Variants in RIN2 observed in about 807,000 individuals in gnomAD.
RIN2 encodes RAB5 interacting protein 2.
Under a neutral mutation model 78.0 loss-of-function variants are expected in RIN2, and 36 were observed. The ratio of observed to expected loss-of-function variants is 0.46; its 90% CI spans 0.35 to 0.61. RIN2 has a LOEUF of 0.61. Ranked by LOEUF, RIN2 falls within the 20% of genes least tolerant of loss-of-function variation. The pLI, the probability that RIN2 is intolerant of heterozygous loss-of-function variation, is 0.00. For missense variants in RIN2, 1,087 were observed against 1,159.7 expected (o/e 0.94, Z 0.91); for synonymous variants, 466 against 466.8 (o/e 1.00, Z 0.02).
At chr20:19,820,624 G>T (rs1236119121) in intron 2 of RIN2, among the ~76,000 whole-genome samples, 1 of 152,134 alleles carries the variant, frequency 6.6e-6, no homozygotes, top group African/African-American at 2.4e-5. Flanking sequence ...CCCAGCCTCA[G>T]GTGTGTTTCC....
chr20:19,890,311 C>T (rs982120272), intron 3 of RIN2, among the ~76,000 whole-genome samples: 6 of 152,158 alleles, frequency 3.9e-5, no homozygotes, highest in African/African-American at 1.4e-4. Flanking sequence ...TTAATGAAGA[C>T]TTGGTGGTCG....
chr20:19,974,790 G>T lies in RIN2; in HGVS notation c.765G>T (p.Arg255Ser). The change falls in exon 9 of 13, where the codon AGG (arginine) becomes AGT (serine). Residue 255 changes from arginine (R) to serine (S), a missense_variant. Arg to Ser is a moderately radical substitution (Grantham distance 110, BLOSUM62 -1). Transcript: ENST00000255006. ...LINGVHSIKT[R>S]TPSELECSQT... ...ATGGAGTGCATTCTATCAAAACCAG[G>T]ACGCCTTCAGAGCTGGAGTGCAGCC... The T allele has an allele frequency of 1.9e-6, 3 of 1,614,012 alleles. No individual in the cohort carries two copies. Among genetic ancestry groups the T allele is most frequent in the Non-Finnish European group, 2.5e-6 (3 of 1,179,900 alleles).
chr20:19,974,153 C>A (rs1410719163), intron 8 of RIN2, among the ~76,000 whole-genome samples: 1 of 152,126 alleles, frequency 6.6e-6, no homozygotes, highest in Non-Finnish European at 1.5e-5. Context: ...TGTGTAACAT[C>A]CCCCAGGCCC....
chr20:19,795,747 A>G (rs16981125), intron 1 of RIN2, among the ~76,000 whole-genome samples: 19,218 of 152,152 alleles, frequency 0.13, 1,491 homozygotes, highest in African/African-American at 0.23. Flanking sequence ...GCTAAAACTC[A>G]GTCAACAAAT....
intron 9 of RIN2, among the ~76,000 whole-genome samples, chr20:19,985,963 G>C (rs2042608776): frequency 6.6e-6 from 1 of 152,186 alleles, no homozygotes; most frequent in Non-Finnish European, 1.5e-5. Flanking sequence ...TCCCTGGATG[G>C]AGTTTGTCTG....
chr20:19,965,750 T>G (rs900923105), intron 7 of RIN2, among the ~76,000 whole-genome samples: 1 of 152,158 alleles, frequency 6.6e-6, no homozygotes, highest in Non-Finnish European at 1.5e-5. Context: ...TAGCTGAGAT[T>G]ACAGGCGCCT....
At chr20:19,822,719 A>G (rs2035963833) in intron 2 of RIN2, among the ~76,000 whole-genome samples, 1 of 152,212 alleles carries the variant, frequency 6.6e-6, no homozygotes, top group Non-Finnish European at 1.5e-5. Flanking sequence ...ATCTATTTGG[A>G]TGAACATAGT....
At chr20:19,895,615 A>G (rs1031074848) in intron 3 of RIN2, 1 of 152,246 alleles carries the variant, frequency 6.6e-6, no homozygotes, top group Non-Finnish European at 1.5e-5. Flanking sequence ...ACCTAGGTTC[A>G]CGAACCAACC....
In RIN2 at chr20:19,992,151, T is replaced by G; in HGVS notation, c.2069-17T>G. 1 of 1,608,718 alleles carries G rather than the reference T, an allele frequency of 6.2e-7. No individual in the cohort carries two copies. The highest frequency in any genetic ancestry group is 1.1e-5 in the South Asian group (1 of 89,412). ...AGTTGGTAAAAATATTCCATCTCCTTCTCTTCCTGCTCTCAGGGAGGATGT... is the reference window on the plus strand; with the variant it reads ...AGTTGGTAAAAATATTCCATCTCCTGCTCTTCCTGCTCTCAGGGAGGATGT... On this transcript the variant is annotated splice_polypyrimidine_tract_variant and intron_variant, in intron 10 of 12. Coordinates refer to ENST00000255006, the MANE Select transcript of RIN2 (RefSeq NM_018993.4).
At chr20:19,914,646 G>C (rs2039612240) in intron 3 of RIN2, among the ~76,000 whole-genome samples, 1 of 152,164 alleles carries the variant, frequency 6.6e-6, no homozygotes, top group Non-Finnish European at 1.5e-5. Context: ...TGGTCTTGTG[G>C]TTGGGGCTCT....
intron 2 of RIN2, among the ~76,000 whole-genome samples, chr20:19,800,358 C>T (rs749929439): frequency 2.0e-5 from 3 of 152,196 alleles, no homozygotes; most frequent in African/African-American, 4.8e-5. Context: ...ATGGCTCCTC[C>T]AAAACCTTGC....
At chr20:19,897,874 G>A (rs1395807394) in intron 3 of RIN2, among the ~76,000 whole-genome samples, 2 of 152,088 alleles carry the variant, frequency 1.3e-5, no homozygotes, top group African/African-American at 4.8e-5. Context: ...ACCATGCCTG[G>A]CAACTTTTAT....
At chr20:19,929,129 G>T (rs1399727956) in intron 3 of RIN2, among the ~76,000 whole-genome samples, 1 of 152,142 alleles carries the variant, frequency 6.6e-6, no homozygotes, top group Non-Finnish European at 1.5e-5. Context: ...AATCACAGGT[G>T]GCTCTGCCAC....
In RIN2 at chr20:19,928,320, G is replaced by A. The variant is rs556679637; in HGVS notation, c.58-6779G>A. ...GGCACCCAAATGGGTCGCCCAAGGC[G>A]ACCCAGCCAACCGGGGCCCGAGACA... On this transcript the variant is annotated intron_variant, in intron 3 of 12. Transcript: ENST00000255006. 4.6e-5 allele frequency among the ~76,000 whole-genome samples: 7 copies of A among 152,246 alleles called. No homozygotes were observed. The South Asian group carries it at 6.2e-4, about 14-fold the overall frequency.
intron 1 of RIN2, among the ~76,000 whole-genome samples, chr20:19,759,278 C>G (rs1005391410): frequency 6.6e-6 from 1 of 152,182 alleles, no homozygotes; most frequent in Admixed American, 6.5e-5. Context: ...CGCAGTGTAG[C>G]GGCACTTCCT....
chr20:19,825,663 G>A (rs753301282), intron 2 of RIN2, among the ~76,000 whole-genome samples: 6 of 152,248 alleles, frequency 3.9e-5, no homozygotes, highest in South Asian at 2.1e-4. Context: ...CCACCAATAC[G>A]GATACTGCCT....
chr20:19,873,006 T>A (rs1336528613), intron 2 of RIN2, among the ~76,000 whole-genome samples: 1 of 152,166 alleles, frequency 6.6e-6, no homozygotes, highest in Non-Finnish European at 1.5e-5. Context: ...AACTCATTAG[T>A]GAATGAGGGA....
chr20:19,883,337 CTTTTT>C lies in RIN2; in HGVS notation c.-36-6212_-36-6208del, dbSNP rs35438191. Among the ~76,000 whole-genome samples the C allele has an allele frequency of 1.3e-3, 152 of 118,518 alleles. 2 individuals carry two copies. The South Asian group carries it at 0.042, about 32-fold the overall frequency. The allele number at this position is 118,518 out of a possible 152,430, so 77.8% of individuals were successfully genotyped here. ...AGCTTCCTACTCCAGAAAGAGAGGA[CTTTTT>C]TTTTTTTTTTTTTTTTAGACCTGGT... On this transcript the variant is annotated intron_variant, in intron 2 of 12. Transcript: ENST00000255006.
intron 7 of RIN2, among the ~76,000 whole-genome samples, chr20:19,970,200 G>A (rs997587661): frequency 1.3e-5 from 2 of 152,228 alleles, no homozygotes; most frequent in Non-Finnish European, 2.9e-5. Flanking sequence ...TGGCAGAAAT[G>A]CCGAATCTCC....
Sources: gnomAD v4.1 joint callset for allele counts (sites outside exome capture counted in the v4.1 genomes callset) on GRCh38, gnomAD v4.1.1 for gene constraint, MANE v1.5 for transcripts, NCBI Gene and HGNC (gene_info 2026-07-23, HGNC 2026-07-21) for gene names.